The following ZNF423 variants were observed in gnomAD, a reference collection of about 807,000 sequenced individuals.
ZNF423 encodes zinc finger protein 423, also known as Ebf-associated zinc finger protein.
ZNF423 carries 12 observed loss-of-function variants against 95.8 expected under a neutral mutation model. The ratio of observed to expected loss-of-function variants is 0.13; its 90% CI spans 0.08 to 0.20. The LOEUF (loss-of-function observed/expected upper bound fraction) is 0.20, where lower values mean the gene tolerates loss of function less well. ZNF423 is among the 10% of genes least tolerant of loss of function. ZNF423 has a pLI of 1.00. For synonymous variants in ZNF423, 749 were observed against 711.9 expected, an observed-to-expected ratio of 1.05 and a Z score of -0.83; for missense variants, 1,316 against 1,737.1, an observed-to-expected ratio of 0.76 and a Z score of 4.31.
chr16:49,854,805 G>A (rs2035340857), intron 1 of ZNF423: 1 of 985,396 alleles, frequency 1.0e-6, no homozygotes, highest in African/African-American at 1.7e-5. Flanking sequence ...GAAATAGAAA[G>A]CAAAGCGTGG....
intron 2 of ZNF423, among the ~76,000 whole-genome samples, chr16:49,740,493 T>G (rs1444897367): frequency 6.6e-6 from 1 of 152,248 alleles, no homozygotes. Flanking sequence ...TTAAAATATT[T>G]GCAGTGCAGG....
At chr16:49,605,934 T>C (rs1971523265) in intron 5 of ZNF423, among the ~76,000 whole-genome samples, 1 of 152,152 alleles carries the variant, frequency 6.6e-6, no homozygotes, top group African/African-American at 2.4e-5. Context: ...CTCTACCTGG[T>C]GATGGGACGA....
chr16:49,537,681 C>T (rs1477382881), intron 5 of ZNF423, among the ~76,000 whole-genome samples: 3 of 152,130 alleles, frequency 2.0e-5, no homozygotes, highest in African/African-American at 4.8e-5. Context: ...TCTGAGGTCA[C>T]GTCTTCCTCT....
chr16:49,659,731 C>T (rs2030102169), intron 3 of ZNF423, among the ~76,000 whole-genome samples: 1 of 152,216 alleles, frequency 6.6e-6, no homozygotes, highest in South Asian at 2.1e-4. Context: ...CTTCAGGTGC[C>T]CACCGCTGCA....
intron 5 of ZNF423, among the ~76,000 whole-genome samples, chr16:49,581,661 C>T (rs1346903264): frequency 1.3e-5 from 2 of 152,226 alleles, no homozygotes; most frequent in African/African-American, 4.8e-5. Flanking sequence ...TTTTCCTCAT[C>T]TAACTCCCTG....
intron 1 of ZNF423, among the ~76,000 whole-genome samples, chr16:49,820,973 G>C (rs1392595465): frequency 6.6e-6 from 1 of 152,152 alleles, no homozygotes; most frequent in African/African-American, 2.4e-5. Context: ...CCATTTCTAT[G>C]CCACAGTCTC....
At chr16:49,604,967 G>A (rs1030049134) in intron 5 of ZNF423, among the ~76,000 whole-genome samples, 3 of 152,204 alleles carry the variant, frequency 2.0e-5, no homozygotes, top group African/African-American at 7.2e-5. Flanking sequence ...CAGAGGAAAG[G>A]GGGAAATGTA....
At chr16:49,621,847 C>T (rs1972094827) in intron 5 of ZNF423, among the ~76,000 whole-genome samples, 1 of 152,190 alleles carries the variant, frequency 6.6e-6, no homozygotes, top group Non-Finnish European at 1.5e-5. Context: ...GCCAGAATCA[C>T]AGCACAAGCC....
intron 7 of ZNF423, among the ~76,000 whole-genome samples, chr16:49,510,890 TC>T (rs1967867307): frequency 6.6e-6 from 1 of 152,144 alleles, no homozygotes; most frequent in Admixed American, 6.5e-5. Flanking sequence ...TCCTGGCAGC[TC>T]CCCCGTGCCC....
intron 2 of ZNF423, among the ~76,000 whole-genome samples, chr16:49,746,811 A>C (rs1198227723): frequency 6.6e-6 from 1 of 152,192 alleles, no homozygotes; most frequent in Non-Finnish European, 1.5e-5. Context: ...GGCAAGAAGC[A>C]AAAGAACTAC....
At chr16:49,500,036 G>T (rs144545853) in intron 7 of ZNF423, among the ~76,000 whole-genome samples, 1 of 152,142 alleles carries the variant, frequency 6.6e-6, no homozygotes, top group Non-Finnish European at 1.5e-5. Flanking sequence ...TTGGGTGAGC[G>T]GTGAGACTTT....
intron 1 of ZNF423, among the ~76,000 whole-genome samples, chr16:49,849,863 G>A (rs1430746374): frequency 6.6e-6 from 1 of 152,250 alleles, no homozygotes; most frequent in Non-Finnish European, 1.5e-5. Context: ...GAAAATGTCA[G>A]TGTTTTCACA....
intron 5 of ZNF423, among the ~76,000 whole-genome samples, chr16:49,576,509 C>T (rs779239871): frequency 6.6e-6 from 1 of 152,242 alleles, no homozygotes; most frequent in South Asian, 2.1e-4. Flanking sequence ...GTGGACACTA[C>T]CTGGAGGCAG....
chr16:49,723,829 C>T (rs1036535359), intron 3 of ZNF423, among the ~76,000 whole-genome samples: 13 of 152,206 alleles, frequency 8.5e-5, no homozygotes, highest in Non-Finnish European at 1.9e-4. Flanking sequence ...CATCTGTCCT[C>T]CACTGTCGTG....
chr16:49,567,892 G>A (rs1044992624), intron 5 of ZNF423, among the ~76,000 whole-genome samples: 3 of 152,146 alleles, frequency 2.0e-5, no homozygotes, highest in Non-Finnish European at 4.4e-5. Context: ...GGGGAGAGCC[G>A]GCCTATACTC....
rs1972645637 is a variant in ZNF423 at position 49,635,283 on chromosome 16, C to T, written c.3516+377G>A. ...ATGAGTATGTCATACCCCAGCTCAA[C>T]AACAAAGACACAAGCCACCACCCAT... On this transcript the variant is annotated intron_variant, in intron 4 of 7. Coordinates refer to ENST00000563137, the MANE Select transcript of ZNF423 (RefSeq NM_001379286.1). This position sits in a 1 kb window ranked among gnomAD's most constrained non-coding sequence, Gnocchi z 4.8. Among the ~76,000 whole-genome samples, 1 of 152,234 alleles carries T rather than the reference C, an allele frequency of 6.6e-6. No individual in the cohort carries two copies. The highest frequency in any genetic ancestry group is 1.5e-5 in the Non-Finnish European group (1 of 68,048).
chr16:49,647,098 T>A (rs1973205082), intron 3 of ZNF423, among the ~76,000 whole-genome samples: 1 of 152,198 alleles, frequency 6.6e-6, no homozygotes, highest in African/African-American at 2.4e-5. Context: ...CTGGAGCCAG[T>A]CCAAGGCCCA....
At chr16:49,713,514 C>A (rs2032609229) in intron 3 of ZNF423, among the ~76,000 whole-genome samples, 1 of 152,148 alleles carries the variant, frequency 6.6e-6, no homozygotes, top group South Asian at 2.1e-4. Context: ...AGCCTCCCTA[C>A]AGCCAGTCTC....
chr16:49,594,223 A>G (rs1203318779), intron 5 of ZNF423, among the ~76,000 whole-genome samples: 1 of 152,056 alleles, frequency 6.6e-6, no homozygotes, highest in Non-Finnish European at 1.5e-5. Flanking sequence ...CTCTCTCTTT[A>G]TTAAAAATTC....
Sources: allele counts gnomAD v4.1 joint callset (sites outside exome capture counted in the v4.1 genomes callset), GRCh38; gene constraint gnomAD v4.1.1; non-coding constraint Gnocchi (gnomAD v3.1); transcripts MANE v1.5; gene names NCBI Gene and HGNC (gene_info 2026-07-23, HGNC 2026-07-21).